The following RAPGEF2 variants were observed in gnomAD, a reference collection of about 807,000 sequenced individuals.
The protein encoded by RAPGEF2 is PDZ domain containing guanine nucleotide exchange factor (GEF) 1.
A neutral mutation model predicts 186.7 loss-of-function variants in RAPGEF2; 54 were observed. That is an observed-to-expected ratio of 0.29 (90% CI 0.23 to 0.36). The LOEUF (loss-of-function observed/expected upper bound fraction) is 0.36. Ranked by LOEUF, RAPGEF2 falls within the 10% of genes least tolerant of loss-of-function variation. RAPGEF2 has a pLI of 1.00. For missense variants in RAPGEF2, 1,532 were observed against 2,045.0 expected (o/e 0.75, Z 4.84); for synonymous variants, 712 against 705.9 (o/e 1.01, Z -0.14).
Position 159,345,262 on chromosome 4 carries a change from G to A in RAPGEF2, c.3435G>A (p.Leu1145=), listed in dbSNP as rs748051267. The change falls in exon 24 of 30, where the codon TTG becomes TTA. Residue 1145 remains leucine, a synonymous_variant. Transcript: ENST00000691494. ...AAGTGAAGCAGTACCTTTCCAATTT[G>A]GAGCTAGAAATGGACGAGGAGAGTC... ...ARKVKQYLSN[L]ELEMDEESLQ... is the part of the protein sequence containing the mutation. 2 of 1,614,068 alleles carry A rather than the reference G, an allele frequency of 1.2e-6. No homozygotes were observed. Among genetic ancestry groups the A allele is most frequent in the Non-Finnish European group, 1.7e-6 (2 of 1,180,026 alleles).
At chr4:159,207,704 CT>C (rs1579465208) in intron 3 of RAPGEF2, among the ~76,000 whole-genome samples, 1 of 152,282 alleles carries the variant, frequency 6.6e-6, no homozygotes, top group East Asian at 1.9e-4. Context: ...TTTCCTTGGG[CT>C]AACGTTTTTT....
At chr4:159,112,285 A>G (rs1316243819) in intron 1 of RAPGEF2, among the ~76,000 whole-genome samples, 4 of 152,212 alleles carry the variant, frequency 2.6e-5, no homozygotes, top group Non-Finnish European at 4.4e-5. Flanking sequence ...TAATGCGTAT[A>G]AATATAGAGC....
intron 7 of RAPGEF2, among the ~76,000 whole-genome samples, chr4:159,264,063 A>G (rs754308063): frequency 6.6e-6 from 1 of 152,180 alleles, no homozygotes; most frequent in Non-Finnish European, 1.5e-5. Context: ...GTGAACTTCA[A>G]GGTAAGTGTG....
intron 4 of RAPGEF2, 26 bp downstream of exon 4, chr4:159,210,609 A>G (rs766156310): frequency 1.5e-5 from 22 of 1,446,392 alleles, no homozygotes; most frequent in Non-Finnish European, 2.0e-5. Context: ...TCTGTAATAG[A>G]TTATCCATGA....
At chr4:159,174,763 T>TC (rs1429716559) in intron 1 of RAPGEF2, among the ~76,000 whole-genome samples, 2 of 150,534 alleles carry the variant, frequency 1.3e-5, no homozygotes, top group Non-Finnish European at 3.0e-5. Flanking sequence ...TTTCTTTCTT[T>TC]TTTTTTTTTT....
intron 4 of RAPGEF2, among the ~76,000 whole-genome samples, chr4:159,223,995 C>A (rs1357696339): frequency 6.6e-6 from 1 of 151,978 alleles, no homozygotes; most frequent in African/African-American, 2.4e-5. Context: ...ACCTCTCAGG[C>A]TCAAGTGATT....
At chr4:159,312,939 G>A (rs1385606276) in intron 8 of RAPGEF2, among the ~76,000 whole-genome samples, 1 of 152,158 alleles carries the variant, frequency 6.6e-6, no homozygotes, top group Admixed American at 6.5e-5. Flanking sequence ...CTTGAGGCCA[G>A]GAGTTCAAGA....
chr4:159,349,833 A>G (rs780962479), intron 25 of RAPGEF2, among the ~76,000 whole-genome samples: 1 of 152,230 alleles, frequency 6.6e-6, no homozygotes, highest in African/African-American at 2.4e-5. Flanking sequence ...ATTGTTGCCT[A>G]ACATATTGTT....
At chr4:159,355,063 T>C (rs576962483) in intron 28 of RAPGEF2, among the ~76,000 whole-genome samples, 4 of 152,350 alleles carry the variant, frequency 2.6e-5, no homozygotes, top group African/African-American at 9.6e-5. Flanking sequence ...AGTTAATAAA[T>C]ATTCTTAGGT....
chr4:159,142,206 T>G lies in RAPGEF2; in HGVS notation c.69+37975T>G, dbSNP rs181550689. ...CTAATGTCACTCAGAACATTAAAAA[T>G]GTTGAAAATGTCTTTATTCTTTCTT... On this transcript the variant is annotated intron_variant, in intron 1 of 29. Transcript: ENST00000691494. Among the ~76,000 whole-genome samples the G allele has an allele frequency of 8.4e-4, 128 of 152,336 alleles. 2 individuals carry two copies. The East Asian group carries it at 0.017, about 20-fold the overall frequency.
intron 7 of RAPGEF2, chr4:159,267,081 A>G: frequency 1.0e-6 from 1 of 980,402 alleles, no homozygotes; most frequent in Non-Finnish European, 1.4e-6. Context: ...TTCAGTGTGT[A>G]TAGGGAGAGG....
intron 1 of RAPGEF2, among the ~76,000 whole-genome samples, chr4:159,182,925 C>T (rs1255386073): frequency 6.6e-6 from 1 of 151,930 alleles, no homozygotes; most frequent in Non-Finnish European, 1.5e-5. Context: ...CACAGAAGAC[C>T]TAAATAAATG....
At chr4:159,149,230 A>G (rs1743270447) in intron 1 of RAPGEF2, among the ~76,000 whole-genome samples, 1 of 152,184 alleles carries the variant, frequency 6.6e-6, no homozygotes, top group Admixed American at 6.5e-5. Context: ...TTTTGTGGAC[A>G]CAGATTTAAA....
rs199507592 is a variant in RAPGEF2, at chr4:159,341,379, TAG to T, written c.2535-183_2535-182del. 1.4e-4 allele frequency among the ~76,000 whole-genome samples: 22 copies of T among 152,362 alleles called. 1 individual carries two copies. The East Asian group carries it at 4.0e-3, about 28-fold the overall frequency. ...TTTGTTTCTACCACCTACTTCTGGA[TAG>T]ACAGTTCTATGACCAGGTAACTGAG... On this transcript the variant is annotated intron_variant, in intron 19 of 29. Transcript: ENST00000691494.
intron 1 of RAPGEF2, among the ~76,000 whole-genome samples, chr4:159,143,869 G>A (rs1261778469): frequency 6.6e-6 from 1 of 152,220 alleles, no homozygotes; most frequent in Non-Finnish European, 1.5e-5. Context: ...TAACAGGCAA[G>A]AATATGGCAT....
intron 7 of RAPGEF2, among the ~76,000 whole-genome samples, chr4:159,260,121 G>A (rs1756634481): frequency 1.3e-5 from 2 of 152,036 alleles, no homozygotes; most frequent in East Asian, 3.9e-4. Flanking sequence ...ACAAGTAGCT[G>A]GTATTACAGG....
At chr4:159,266,257 A>G (rs1757413903) in intron 7 of RAPGEF2, among the ~76,000 whole-genome samples, 1 of 152,078 alleles carries the variant, frequency 6.6e-6, no homozygotes, top group Non-Finnish European at 1.5e-5. Context: ...AGATATGAGG[A>G]GAAAGAAGGA....
chr4:159,310,897 GTGTTA>G (rs1195196456), intron 8 of RAPGEF2, among the ~76,000 whole-genome samples: 1 of 152,082 alleles, frequency 6.6e-6, no homozygotes, highest in Non-Finnish European at 1.5e-5. Flanking sequence ...AAAACAATAA[GTGTTA>G]TGTTCATAGG....
At position 159,103,397 on chromosome 4, in the gene RAPGEF2, G is replaced by GGCGGCGGCGGAGCCC. The variant is rs1259083601; in HGVS notation, c.-765_-751dup. On this transcript the variant is annotated 5_prime_UTR_variant, in exon 1 of 30. Transcript: ENST00000691494. ...TCCGGGCGCGCTGATGGGGGGAGGCGGCGGCGGCGGAGCCCACAGCGGCGG... is the reference window on the plus strand; with the variant it reads ...TCCGGGCGCGCTGATGGGGGGAGGCGGCGGCGGCGGAGCCCGCGGCGGCGGAGCCCACAGCGGCGG... The GGCGGCGGCGGAGCCC allele has an allele frequency of 6.5e-6, 1 of 154,078 alleles. No homozygotes were observed. Among genetic ancestry groups the GGCGGCGGCGGAGCCC allele is most frequent in the Non-Finnish European group, 1.4e-5 (1 of 69,932 alleles). 9.5% of individuals were successfully genotyped at this position (154,078 alleles called of 1,614,324 possible). A position where few individuals can be genotyped will look rare whatever the true frequency, so the allele number is the denominator to read the frequency against.
Sources: gnomAD v4.1 joint callset for allele counts (sites outside exome capture counted in the v4.1 genomes callset) on GRCh38, gnomAD v4.1.1 for gene constraint, MANE v1.5 for transcripts, NCBI Gene and HGNC (gene_info 2026-07-23, HGNC 2026-07-21) for gene names.